Variants in PON2 observed in about 807,000 individuals in gnomAD.
PON2 encodes serum paraoxonase/arylesterase 2.
A neutral mutation model predicts 36.6 loss-of-function variants in PON2; 27 were observed. The ratio of observed to expected loss-of-function variants is 0.74; its 90% CI spans 0.54 to 1.02. The LOEUF (loss-of-function observed/expected upper bound fraction) is 1.02, where lower values mean the gene tolerates loss of function less well. PON2 is among the 50% of genes least tolerant of loss of function. PON2 has a pLI of 0.00. For synonymous variants in PON2, 149 were observed against 156.3 expected, an observed-to-expected ratio of 0.95 and a Z score of 0.35; for missense variants, 363 against 421.1, an observed-to-expected ratio of 0.86 and a Z score of 1.21.
intron 1 of PON2, among the ~76,000 whole-genome samples, chr7:95,427,187 C>A (rs1313971590): frequency 6.6e-6 from 1 of 152,124 alleles, no homozygotes; most frequent in East Asian, 1.9e-4. Context: ...TTGCCTTTAT[C>A]CTTCCTGGAC....
intron 3 of PON2, chr7:95,412,814 G>T: frequency 2.7e-6 from 1 of 365,524 alleles, no homozygotes; most frequent in Non-Finnish European, 5.2e-6. Context: ...AGATCCCAGT[G>T]CCTGGAACAG....
intron 7 of PON2, 30 bp downstream of exon 7, chr7:95,406,957 A>G (rs1453202288): frequency 7.8e-7 from 1 of 1,288,316 alleles, no homozygotes; most frequent in South Asian, 1.2e-5. Context: ...ATAATAGATT[A>G]CTGTCTATAT....
At chr7:95,431,292 C>A (rs984830694) in intron 1 of PON2, among the ~76,000 whole-genome samples, 5 of 152,084 alleles carry the variant, frequency 3.3e-5, no homozygotes, top group Non-Finnish European at 5.9e-5. Context: ...AACTTGATTG[C>A]CAAAGTACCA....
chr7:95,433,526 C>T (rs992177040), intron 1 of PON2, among the ~76,000 whole-genome samples: 20 of 152,332 alleles, frequency 1.3e-4, no homozygotes, highest in Admixed American at 1.1e-3. Flanking sequence ...TAAAACACAA[C>T]TAGTTATATT....
At chr7:95,426,264 A>AAAG (rs34057625) in intron 1 of PON2, among the ~76,000 whole-genome samples, 1 of 36,274 alleles carries the variant, frequency 2.8e-5, no homozygotes, top group African/African-American at 9.7e-5. Flanking sequence ...ATTATAAAAC[A>AAAG]GAGAGAGAAA....
At chr7:95,413,533 T>C (rs577512046) in intron 3 of PON2, among the ~76,000 whole-genome samples, 4 of 152,344 alleles carry the variant, frequency 2.6e-5, no homozygotes, top group East Asian at 1.9e-4. Context: ...GGAATGAGTA[T>C]TGAATTTTAT....
Position 95,417,254 on chromosome 7 carries a change from T to C in PON2, c.146-957A>G, listed in dbSNP as rs529609797. On this transcript the variant is annotated intron_variant, in intron 2 of 8. Transcript: ENST00000222572. ...GCTTCATGAGTTTGCATTTAGCCAG[T>C]TGCCTCCAGTGTTGCTTGCTCCATC... 1.1e-4 allele frequency among the ~76,000 whole-genome samples: 16 copies of C among 152,308 alleles called. No individual in the cohort carries two copies. In the East Asian group the frequency reaches 3.1e-3, roughly 29 times the overall value.
At chr7:95,406,040 C>A in intron 8 of PON2, 79 bp downstream of exon 8, 1 of 1,477,228 alleles carries the variant, frequency 6.8e-7, no homozygotes, top group South Asian at 1.2e-5. Context: ...CTAAACAAAT[C>A]ATCCCTGTGA....
At chr7:95,429,053 C>CT (rs1245911990) in intron 1 of PON2, among the ~76,000 whole-genome samples, 3 of 149,938 alleles carry the variant, frequency 2.0e-5, no homozygotes, top group African/African-American at 7.4e-5. Context: ...TTTTTTTATA[C>CT]TTTAAGTTCT....
rs17876062 is a variant in PON2, at chr7:95,433,248, T to TTTTATTTATTTA, written c.74+1618_74+1629dup. Among the ~76,000 whole-genome samples the TTTTATTTATTTA allele has an allele frequency of 3.7e-3, 556 of 152,108 alleles. 6 individuals carry two copies. The highest frequency in any genetic ancestry group is 0.013 in the African/African-American group (522 of 41,478). On this transcript the variant is annotated intron_variant, in intron 1 of 8. Coordinates refer to ENST00000222572, the MANE Select transcript of PON2 (RefSeq NM_000305.3). ...ATAAATTACCAACTCAAATTTTGTTTTTTATTTATTTATTTATTTATTTAT... is the reference window on the plus strand; with the variant it reads ...ATAAATTACCAACTCAAATTTTGTTTTTTATTTATTTATTTATTTATTTATTTATTTATTTAT...
intron 1 of PON2, among the ~76,000 whole-genome samples, chr7:95,426,734 GA>G (rs1789326364): frequency 6.6e-6 from 1 of 152,162 alleles, no homozygotes; most frequent in South Asian, 2.1e-4. Context: ...TATGACTCCA[GA>G]AACAGATGTA....
intron 3 of PON2, among the ~76,000 whole-genome samples, chr7:95,413,804 C>T (rs1389025457): frequency 6.6e-6 from 1 of 152,082 alleles, no homozygotes; most frequent in Non-Finnish European, 1.5e-5. Flanking sequence ...GAAATCTCTC[C>T]AATTAAAAAA....
intron 2 of PON2, among the ~76,000 whole-genome samples, chr7:95,422,703 C>T (rs374686730): frequency 3.9e-4 from 59 of 152,152 alleles, no homozygotes; most frequent in African/African-American, 1.3e-3. Context: ...CCATGTAACC[C>T]GAGTTTTAAT....
intron 1 of PON2, among the ~76,000 whole-genome samples, chr7:95,425,997 G>A (rs1217762095): frequency 6.6e-6 from 1 of 152,012 alleles, no homozygotes; most frequent in African/African-American, 2.4e-5. Flanking sequence ...GGAAAAATAA[G>A]CTAGAAAACC....
chr7:95,406,908 G>C (rs529048639), intron 7 of PON2, 79 bp downstream of exon 7: 2 of 850,324 alleles, frequency 2.4e-6, no homozygotes, highest in Non-Finnish European at 3.8e-6. Flanking sequence ...TTTGTTCTAC[G>C]TGTGGTACTC....
At chr7:95,424,868 T>C (rs990593700) in intron 1 of PON2, among the ~76,000 whole-genome samples, 1 of 151,996 alleles carries the variant, frequency 6.6e-6, no homozygotes, top group South Asian at 2.1e-4. Context: ...CAAGTTCCTA[T>C]GCAAATGTAA....
intron 3 of PON2, among the ~76,000 whole-genome samples, chr7:95,414,916 C>G (rs1314001137): frequency 1.3e-5 from 2 of 152,158 alleles, no homozygotes; most frequent in Non-Finnish European, 2.9e-5. Context: ...TCTTTATTGC[C>G]TCAGTGGTAA....
chr7:95,416,089 C>G, intron 3 of PON2, 153 bp downstream of exon 3: 1 of 1,383,460 alleles, frequency 7.2e-7, no homozygotes, highest in Non-Finnish European at 9.9e-7. Flanking sequence ...TTTAGAAAAG[C>G]TGGAGGAAGT....
At chr7:95,409,180 C>T (rs1004196586) in intron 6 of PON2, among the ~76,000 whole-genome samples, 13 of 152,130 alleles carry the variant, frequency 8.5e-5, no homozygotes, top group African/African-American at 2.2e-4. Flanking sequence ...AGCATGGTGG[C>T]GCATGCCTAT....
Sources: gnomAD v4.1 joint callset for allele counts (sites outside exome capture counted in the v4.1 genomes callset) on GRCh38, gnomAD v4.1.1 for gene constraint, MANE v1.5 for transcripts, NCBI Gene and HGNC (gene_info 2026-07-23, HGNC 2026-07-21) for gene names.